Variants in NCKAP5 observed in about 807,000 individuals in gnomAD.
NCKAP5 encodes nck-associated protein 5.
Under a neutral mutation model 167.0 loss-of-function variants are expected in NCKAP5, and 92 were observed. The observed-to-expected ratio is 0.55, with a 90% CI of 0.47 to 0.66. The LOEUF (loss-of-function observed/expected upper bound fraction) is 0.66. Among genes scored for constraint, NCKAP5 ranks in the 30% least tolerant of loss-of-function variants. NCKAP5 has a pLI of 0.00. For missense variants in NCKAP5, 2,378 were observed against 2,315.0 expected (o/e 1.03, Z -0.56); for synonymous variants, 891 against 877.4 (o/e 1.02, Z -0.27).
chr2:133,569,938 C>T (rs1688797906), upstream of NCKAP5, among the ~76,000 whole-genome samples: 1 of 152,172 alleles, frequency 6.6e-6, no homozygotes, highest in African/African-American at 2.4e-5. Flanking sequence ...AGCAATTCCA[C>T]TTTTCCATAG....
intron 6 of NCKAP5, among the ~76,000 whole-genome samples, chr2:133,061,065 T>TA (rs945874185): frequency 0.013 from 1,621 of 128,328 alleles, 13 homozygotes; most frequent in Non-Finnish European, 0.016. Flanking sequence ...CCCAAAATAT[T>TA]AAAAAAAAAA....
intron 6 of NCKAP5, among the ~76,000 whole-genome samples, chr2:133,097,963 T>C (rs1049348099): frequency 6.6e-6 from 1 of 152,184 alleles, no homozygotes; most frequent in African/African-American, 2.4e-5. Context: ...AAAAGCTCCA[T>C]GATGGCAGGC....
chr2:133,184,357 C>A (rs1272474461), intron 5 of NCKAP5, among the ~76,000 whole-genome samples: 1 of 152,040 alleles, frequency 6.6e-6, no homozygotes, highest in East Asian at 1.9e-4. Context: ...TTTCTTTATC[C>A]AATCCACCAC....
chr2:133,022,652 C>G (rs1017624882), intron 6 of NCKAP5, among the ~76,000 whole-genome samples: 4 of 152,148 alleles, frequency 2.6e-5, no homozygotes, highest in African/African-American at 9.7e-5. Flanking sequence ...CAATTACTCC[C>G]CTGTAAGCTG....
At chr2:133,243,573 C>T (rs946325102) in intron 4 of NCKAP5, among the ~76,000 whole-genome samples, 8 of 152,208 alleles carry the variant, frequency 5.3e-5, no homozygotes, top group Non-Finnish European at 8.8e-5. Flanking sequence ...CTTACCCTCA[C>T]GGATGCCATG....
intron 6 of NCKAP5, among the ~76,000 whole-genome samples, chr2:133,098,796 A>G (rs2081417555): frequency 6.6e-6 from 1 of 152,238 alleles, no homozygotes; most frequent in Admixed American, 6.5e-5. Flanking sequence ...AGCTAGAAAA[A>G]AGAAACACAT....
At chr2:133,613,504 CA>C in the NCKAP5 span, among the ~76,000 whole-genome samples, 10 of 152,038 alleles carry the variant, frequency 6.6e-5, no homozygotes, top group Non-Finnish European at 1.3e-4. Context: ...TTCAATTATT[CA>C]AAAAAATATA....
intron 8 of NCKAP5, among the ~76,000 whole-genome samples, chr2:132,920,795 A>ATATATG (rs1558943510): frequency 5.1e-4 from 51 of 100,448 alleles, no homozygotes; most frequent in Non-Finnish European, 6.0e-5. Context: ...ATATATATAT[A>ATATATG]TATATATATA....
chr2:132,822,207 G>A (rs1406325441), intron 11 of NCKAP5, among the ~76,000 whole-genome samples: 1 of 152,182 alleles, frequency 6.6e-6, no homozygotes, highest in African/African-American at 2.4e-5. Context: ...GAGGTCCTGA[G>A]GGTGTCCATG....
chr2:132,933,171 C>T (rs536245733), intron 8 of NCKAP5, among the ~76,000 whole-genome samples: 33 of 152,118 alleles, frequency 2.2e-4, no homozygotes, highest in Admixed American at 3.3e-4. Flanking sequence ...ATGATCTGCC[C>T]GCTGCGGCCT....
At chr2:133,054,264 T>C (rs11889166) in intron 6 of NCKAP5, among the ~76,000 whole-genome samples, 1,569 of 152,286 alleles carry the variant, frequency 0.01, 21 homozygotes, top group African/African-American at 0.035. Context: ...ATTAGCAATA[T>C]GATGGTATGT....
At chr2:132,836,298 T>C (rs1200780036) in intron 11 of NCKAP5, among the ~76,000 whole-genome samples, 1 of 152,170 alleles carries the variant, frequency 6.6e-6, no homozygotes, top group Non-Finnish European at 1.5e-5. Flanking sequence ...TATAATTCAT[T>C]GATGTTTAAA....
chr2:133,671,738 C>CACAACA, the NCKAP5 span, among the ~76,000 whole-genome samples: 36 of 151,592 alleles, frequency 2.4e-4, no homozygotes, highest in East Asian at 4.1e-3. Context: ...TTCTGGTATA[C>CACAACA]ACAACAACAA....
Position 132,782,728 on chromosome 2 carries a change from C to A in NCKAP5, c.4083G>T (p.Gln1361His). Residue 1361 changes from glutamine (Q) to histidine (H), a missense_variant, in exon 14 of 20, where the codon CAG (glutamine) becomes CAT (histidine). Around this residue, in one of 3 missense-constraint regions of NCKAP5, gnomAD observed 1,325 missense variants for 1,274.5 expected, o/e 1.04. Transcript: ENST00000409261. ...AAGGCAACTTACTTGGGCTCCCATGCTGACTGCTGAAGCTGCCTGAGCTCC... is the reference window on the plus strand; with the variant it reads ...AAGGCAACTTACTTGGGCTCCCATGATGACTGCTGAAGCTGCCTGAGCTCC... ...SLGSSGSFSS[Q>H]HGSPSKLPLR... 6.2e-7 allele frequency: 1 copy of A among 1,614,018 alleles called. No individual in the cohort carries two copies. The highest frequency in any genetic ancestry group is 8.5e-7 in the Non-Finnish European group (1 of 1,179,894).
At chr2:133,548,183 G>A (rs1686921397) in intron 2 of NCKAP5, among the ~76,000 whole-genome samples, 3 of 151,804 alleles carry the variant, frequency 2.0e-5, no homozygotes, top group Admixed American at 2.0e-4. Flanking sequence ...AGAGAAAAAA[G>A]AATAAAAAGA....
intron 5 of NCKAP5, among the ~76,000 whole-genome samples, chr2:133,177,898 T>C (rs535283992): frequency 5.3e-5 from 8 of 152,288 alleles, no homozygotes; most frequent in African/African-American, 7.2e-5. Flanking sequence ...AGAGGAGGCC[T>C]GGTGGAGAGG....
chr2:133,343,078 G>A (rs1472153806), intron 3 of NCKAP5, among the ~76,000 whole-genome samples: 1 of 152,170 alleles, frequency 6.6e-6, no homozygotes, highest in African/African-American at 2.4e-5. Flanking sequence ...AATCCTCCAA[G>A]GCAATGCATC....
intron 11 of NCKAP5, among the ~76,000 whole-genome samples, chr2:132,821,850 A>C (rs1367247077): frequency 2.0e-5 from 3 of 152,130 alleles, no homozygotes; most frequent in Non-Finnish European, 4.4e-5. Context: ...CATGCCCCAC[A>C]GTGGCCGTGG....
intron 7 of NCKAP5, among the ~76,000 whole-genome samples, chr2:132,984,299 T>TGA (rs1201173856): frequency 6.6e-6 from 1 of 152,200 alleles, no homozygotes; most frequent in Admixed American, 6.5e-5. Flanking sequence ...AGGTGGGTTG[T>TGA]GAACCCCAAT....
Sources: gnomAD v4.1 joint callset for allele counts (sites outside exome capture counted in the v4.1 genomes callset) on GRCh38, gnomAD v4.1.1 for gene constraint, gnomAD v4.1.1 regional missense constraint, MANE v1.5 for transcripts, NCBI Gene and HGNC (gene_info 2026-07-23, HGNC 2026-07-21) for gene names.